Variants in CTNNA3 observed in about 807,000 individuals in gnomAD.
CTNNA3 encodes catenin alpha 3, also known as catenin alpha-3.
A neutral mutation model predicts 95.7 loss-of-function variants in CTNNA3; 76 were observed. The observed-to-expected ratio is 0.79, with a 90% confidence interval of 0.66 to 0.96. CTNNA3 has a LOEUF of 0.96. CTNNA3 is among the 40% of genes least tolerant of loss of function. The pLI, the probability that CTNNA3 is intolerant of heterozygous loss-of-function variation, is 0.00. For missense variants in CTNNA3, 1,191 were observed against 1,089.8 expected (o/e 1.09, Z -1.31); for synonymous variants, 431 against 374.4 (o/e 1.15, Z -1.74).
intron 13 of CTNNA3, among the ~76,000 whole-genome samples, chr10:66,120,500 C>G (rs1280409187): frequency 6.6e-6 from 1 of 151,902 alleles, no homozygotes; most frequent in Non-Finnish European, 1.5e-5. Flanking sequence ...TTTTTGTTAA[C>G]TTTTAGAGTC....
intron 11 of CTNNA3, among the ~76,000 whole-genome samples, chr10:66,432,038 A>C (rs2093301158): frequency 6.6e-6 from 1 of 152,132 alleles, no homozygotes; most frequent in East Asian, 1.9e-4. Context: ...AGCAAGGAAA[A>C]GTTTGTGTTT....
chr10:67,386,107 T>C (rs1223888479), intron 5 of CTNNA3, among the ~76,000 whole-genome samples: 1 of 152,186 alleles, frequency 6.6e-6, no homozygotes, highest in African/African-American at 2.4e-5. Flanking sequence ...TATATGCCAA[T>C]ATTCTAACTT....
rs1335528032 is a variant in CTNNA3, at chr10:66,447,482, G to T, written c.1532-68130C>A. The stretch of plus-strand genomic sequence containing the variant: ...GTACTGGTACCAAAACAGAGATATA[G>T]ATCAATGGAACAGAACAGAGCCCTC... On this transcript the variant is annotated intron_variant, in intron 11 of 17. Coordinates refer to ENST00000433211, the MANE Select transcript of CTNNA3 (RefSeq NM_013266.4). Among the ~76,000 whole-genome samples the T allele has an allele frequency of 6.9e-5, 10 of 145,596 alleles. No homozygotes were observed. In the South Asian group the frequency reaches 2.1e-3, roughly 30 times the overall value.
chr10:65,943,952 T>C (rs1035179155), intron 17 of CTNNA3, among the ~76,000 whole-genome samples: 1 of 152,198 alleles, frequency 6.6e-6, no homozygotes, highest in African/African-American at 2.4e-5. Flanking sequence ...ATATTTAATC[T>C]TCAAGTTGGA....
At chr10:66,420,959 A>T (rs890483799) in intron 11 of CTNNA3, among the ~76,000 whole-genome samples, 7 of 152,164 alleles carry the variant, frequency 4.6e-5, no homozygotes, top group Non-Finnish European at 1.0e-4. Context: ...GGATTCCTGC[A>T]CTCACATGTT....
At chr10:66,977,923 T>C (rs923233981) in intron 7 of CTNNA3, among the ~76,000 whole-genome samples, 23 of 152,152 alleles carry the variant, frequency 1.5e-4, no homozygotes, top group African/African-American at 4.8e-4. Flanking sequence ...TTAATACTTA[T>C]GGAACCAAAA....
At chr10:66,491,195 T>C (rs1056007643) in intron 11 of CTNNA3, among the ~76,000 whole-genome samples, 4 of 152,146 alleles carry the variant, frequency 2.6e-5, no homozygotes, top group African/African-American at 7.2e-5. Flanking sequence ...ATCTCCTCCA[T>C]AAAAAATTGT....
intron 7 of CTNNA3, among the ~76,000 whole-genome samples, chr10:66,944,918 G>A (rs1372976877): frequency 1.3e-5 from 2 of 152,100 alleles, no homozygotes; most frequent in African/African-American, 4.8e-5. Flanking sequence ...CTCAACAGGA[G>A]GCTTAAAATG....
chr10:66,152,204 G>T (rs1329624824), intron 13 of CTNNA3, among the ~76,000 whole-genome samples: 1 of 151,808 alleles, frequency 6.6e-6, no homozygotes, highest in Non-Finnish European at 1.5e-5. Flanking sequence ...ATGTTTTCAA[G>T]ATATTGAATT....
chr10:66,201,108 T>C (rs919119295), intron 13 of CTNNA3, among the ~76,000 whole-genome samples: 5 of 152,128 alleles, frequency 3.3e-5, no homozygotes, highest in African/African-American at 9.7e-5. Context: ...TTTAATCCCA[T>C]TCTCATTACC....
intron 7 of CTNNA3, among the ~76,000 whole-genome samples, chr10:67,132,691 T>C (rs188021460): frequency 5.9e-5 from 9 of 151,854 alleles, no homozygotes; most frequent in African/African-American, 2.2e-4. Flanking sequence ...AACAGACGAA[T>C]GGATAAAAAA....
intron 9 of CTNNA3, among the ~76,000 whole-genome samples, chr10:66,709,771 T>G (rs1216154680): frequency 6.6e-6 from 1 of 152,076 alleles, no homozygotes; most frequent in Non-Finnish European, 1.5e-5. Flanking sequence ...CCCTTGGGCT[T>G]GTAAAACATG....
chr10:66,055,746 AC>A (rs1176528962), intron 15 of CTNNA3, among the ~76,000 whole-genome samples: 2 of 151,812 alleles, frequency 1.3e-5, no homozygotes, highest in African/African-American at 4.8e-5. Flanking sequence ...ACATGGTGAA[AC>A]CCCATCTCTA....
chr10:66,599,767 C>T (rs770000306), intron 10 of CTNNA3, among the ~76,000 whole-genome samples: 5 of 151,828 alleles, frequency 3.3e-5, no homozygotes, highest in Non-Finnish European at 5.9e-5. Context: ...CAGACTTACA[C>T]CATGCCAGTC....
At chr10:67,675,560 C>T (rs1214605348) in intron 1 of CTNNA3, among the ~76,000 whole-genome samples, 1 of 152,140 alleles carries the variant, frequency 6.6e-6, no homozygotes, top group Non-Finnish European at 1.5e-5. Flanking sequence ...GGCACTCTGC[C>T]TTTTCTGCCC....
chr10:66,536,089 G>GT (rs1486919639), intron 10 of CTNNA3, among the ~76,000 whole-genome samples: 1 of 151,640 alleles, frequency 6.6e-6, no homozygotes, highest in Non-Finnish European at 1.5e-5. Flanking sequence ...GCTATAGATT[G>GT]TTGTTGAAAC....
At chr10:67,123,342 A>G (rs1406094732) in intron 7 of CTNNA3, among the ~76,000 whole-genome samples, 4 of 152,154 alleles carry the variant, frequency 2.6e-5, no homozygotes, top group Non-Finnish European at 2.9e-5. Context: ...AATTATTCCA[A>G]TGAACGGCCA....
intron 11 of CTNNA3, among the ~76,000 whole-genome samples, chr10:66,428,645 GA>G (rs374482135): frequency 0.26 from 40,097 of 151,776 alleles, 5,446 homozygotes; most frequent in South Asian, 0.39. Context: ...ACCTGCTCCT[GA>G]ATGACTACTG....
chr10:66,453,931 A>C (rs1247417749), intron 11 of CTNNA3, among the ~76,000 whole-genome samples: 1 of 152,182 alleles, frequency 6.6e-6, no homozygotes, highest in Non-Finnish European at 1.5e-5. Context: ...TACATGGCAA[A>C]AATGGATTTG....
Sources: gnomAD v4.1 joint callset for allele counts (sites outside exome capture counted in the v4.1 genomes callset) on GRCh38, gnomAD v4.1.1 for gene constraint, MANE v1.5 for transcripts, NCBI Gene and HGNC (gene_info 2026-07-23, HGNC 2026-07-21) for gene names.